The following LRP1B variants were observed in gnomAD, a reference collection of about 807,000 sequenced individuals.
The protein encoded by LRP1B is low-density lipoprotein receptor-related protein 1B.
A neutral mutation model predicts 556.6 loss-of-function variants in LRP1B; 217 were observed. The ratio of observed to expected loss-of-function variants is 0.39; its 90% CI spans 0.35 to 0.44. The LOEUF is 0.44. LRP1B is among the 20% of genes least tolerant of loss of function. LRP1B has a pLI of 1.00. For synonymous variants in LRP1B, 2,047 were observed against 1,865.8 expected (o/e 1.10, Z -2.50); for missense variants, 5,053 against 5,620.8 (o/e 0.90, Z 3.23).
At position 141,318,598 on chromosome 2, in the gene LRP1B, T is replaced by C. The variant is rs867087583; in HGVS notation, c.344-63957A>G. The stretch of plus-strand genomic sequence containing the variant: ...TCACCTAGGTTTCAGGAAATGGAGA[T>C]CATAATAATGGCTTGGAAGAGGAAA... On this transcript the variant is annotated intron_variant, in intron 3 of 90. Coordinates refer to ENST00000389484, the MANE Select transcript of LRP1B (RefSeq NM_018557.3). Among the ~76,000 whole-genome samples the C allele has an allele frequency of 5.9e-5, 9 of 152,158 alleles. 1 individual carries two copies. The Middle Eastern group carries it at 0.01, about 173-fold the overall frequency.
intron 41 of LRP1B, among the ~76,000 whole-genome samples, chr2:140,616,733 CAG>C (rs758198045): frequency 6.6e-6 from 1 of 151,668 alleles, no homozygotes; most frequent in Non-Finnish European, 1.5e-5. Flanking sequence ...AATATGCTGA[CAG>C]AAAATTATTT....
At chr2:141,879,667 A>G (rs557869369) in intron 1 of LRP1B, among the ~76,000 whole-genome samples, 113 of 151,822 alleles carry the variant, frequency 7.4e-4, no homozygotes, top group African/African-American at 2.6e-3. Flanking sequence ...CTTCAGATAC[A>G]GTAATTTAGC....
intron 11 of LRP1B, among the ~76,000 whole-genome samples, chr2:141,042,355 T>C (rs1423798426): frequency 6.6e-6 from 1 of 152,104 alleles, no homozygotes; most frequent in Non-Finnish European, 1.5e-5. Context: ...TGCCATGGTA[T>C]GTGCAGGTGT....
At chr2:141,745,432 G>C (rs578099086) in intron 2 of LRP1B, among the ~76,000 whole-genome samples, 2 of 152,096 alleles carry the variant, frequency 1.3e-5, no homozygotes, top group South Asian at 4.2e-4. Context: ...CCTTCCACTG[G>C]CAGAGGAGCC....
chr2:140,340,447 G>A (rs1167622504), intron 77 of LRP1B, among the ~76,000 whole-genome samples: 1 of 151,476 alleles, frequency 6.6e-6, no homozygotes, highest in Admixed American at 6.6e-5. Flanking sequence ...GCATTAGTTA[G>A]TGAGTGAATA....
At chr2:140,929,297 A>G (rs933582413) in intron 20 of LRP1B, among the ~76,000 whole-genome samples, 7 of 152,124 alleles carry the variant, frequency 4.6e-5, no homozygotes, top group African/African-American at 1.7e-4. Flanking sequence ...AGAGTGGAAG[A>G]CTGTCCTGGA....
At chr2:141,623,544 T>C (rs1688581688) in intron 2 of LRP1B, among the ~76,000 whole-genome samples, 1 of 152,150 alleles carries the variant, frequency 6.6e-6, no homozygotes, top group Non-Finnish European at 1.5e-5. Flanking sequence ...GTTTTATAAT[T>C]TGGTCTTATA....
intron 1 of LRP1B, among the ~76,000 whole-genome samples, chr2:141,969,409 CACCT>C (rs1442187799): frequency 6.6e-6 from 1 of 151,468 alleles, no homozygotes; most frequent in Non-Finnish European, 1.5e-5. Flanking sequence ...CCATTTCTTT[CACCT>C]GACCCCCACC....
intron 1 of LRP1B, among the ~76,000 whole-genome samples, chr2:141,945,200 G>A (rs944033341): frequency 6.6e-6 from 1 of 151,738 alleles, no homozygotes; most frequent in Non-Finnish European, 1.5e-5. Flanking sequence ...ATGTCTTAAA[G>A]CTAACATCTC....
intron 2 of LRP1B, among the ~76,000 whole-genome samples, chr2:141,491,848 T>A (rs988502600): frequency 1.3e-4 from 20 of 152,060 alleles, no homozygotes; most frequent in African/African-American, 4.8e-4. Context: ...CTTTTTAAGA[T>A]ACCTGTAAAA....
rs745424078 is a variant in LRP1B at position 140,702,151 on chromosome 2, A to T, written c.6292T>A (p.Trp2098Arg). The change falls in exon 39 of 91, where the codon TGG becomes AGG. Residue 2098 changes from tryptophan (W) to arginine (R), a missense_variant. By Grantham distance (101) the Trp-to-Arg change is moderately radical. Transcript: ENST00000389484. The part of the protein sequence containing the change: ...SVAVFGAYIY[W>R]SDRAHANGSV... ...GAAAAAATAAATTACCTGTCAGACC[A>T]GTAGATGTAAGCCCCAAAGACTGCA... 1 of 1,613,204 alleles carries T rather than the reference A, an allele frequency of 6.2e-7. No homozygotes were observed. The highest frequency in any genetic ancestry group is 1.1e-5 in the South Asian group (1 of 91,010).
intron 1 of LRP1B, among the ~76,000 whole-genome samples, chr2:141,899,689 T>C (rs1699559033): frequency 6.6e-6 from 1 of 152,158 alleles, no homozygotes; most frequent in Non-Finnish European, 1.5e-5. Context: ...TTTCACATTC[T>C]TAAGTTTTTG....
chr2:141,574,229 CA>C lies in LRP1B; in HGVS notation c.206-93697del, dbSNP rs562928602. On this transcript the variant is annotated intron_variant, in intron 2 of 90. Transcript: ENST00000389484. ...CTGCAAACCGAATCCAGGAGCACAT[CA>C]AAAAACTTATCCACCACGATCAAAT... Among the ~76,000 whole-genome samples, 504 of 152,254 alleles carry C rather than the reference CA, an allele frequency of 3.3e-3. 4 individuals are homozygous for C. The highest frequency in any genetic ancestry group is 0.012 in the African/African-American group (483 of 41,558).
chr2:140,457,953 A>G (rs2105324939), intron 60 of LRP1B, among the ~76,000 whole-genome samples: 1 of 151,930 alleles, frequency 6.6e-6, no homozygotes, highest in African/African-American at 2.4e-5. Flanking sequence ...TAAAATTCAT[A>G]ATTGATATAT....
In LRP1B at chr2:140,884,049, C is replaced by T. The variant is rs1693558426; in HGVS notation, c.3965-28G>A. 5.0e-6 allele frequency: 8 copies of T among 1,598,354 alleles called. No individual in the cohort carries two copies. The African/African-American group carries it at 9.4e-5, about 19-fold the overall frequency. The stretch of plus-strand genomic sequence containing the variant: ...ACAAAAGAAGGAAAACCAACATGTG[C>T]ACCCATTCAAGGATTGTGTTAAGCA... On this transcript the variant is annotated intron_variant, in intron 24 of 90. Transcript: ENST00000389484.
At chr2:141,644,738 C>CACAA (rs2105369785) in intron 2 of LRP1B, among the ~76,000 whole-genome samples, 1 of 148,054 alleles carries the variant, frequency 6.8e-6, no homozygotes, top group South Asian at 2.2e-4. Context: ...ATCACACACA[C>CACAA]ACACACACAC....
chr2:142,012,037 A>C (rs1352132111), intron 1 of LRP1B, among the ~76,000 whole-genome samples: 3 of 152,148 alleles, frequency 2.0e-5, no homozygotes, highest in African/African-American at 7.2e-5. Context: ...CTCTGCAAGT[A>C]CCTGCATGTT....
chr2:142,058,955 A>G (rs1183594832), intron 1 of LRP1B, among the ~76,000 whole-genome samples: 1 of 152,108 alleles, frequency 6.6e-6, no homozygotes, highest in African/African-American at 2.4e-5. Context: ...AAAATAGGAG[A>G]AATAGTAGGG....
At chr2:140,270,561 T>C (rs1434240171) in intron 85 of LRP1B, among the ~76,000 whole-genome samples, 1 of 151,892 alleles carries the variant, frequency 6.6e-6, no homozygotes, top group Non-Finnish European at 1.5e-5. Flanking sequence ...ATTCTCAAAT[T>C]TTCAACCAGT....
Sources: allele counts gnomAD v4.1 joint callset (sites outside exome capture counted in the v4.1 genomes callset), GRCh38; gene constraint gnomAD v4.1.1; transcripts MANE v1.5; gene names NCBI Gene and HGNC (gene_info 2026-07-23, HGNC 2026-07-21).